BAIAP2L1: variants seen among roughly 807,000 people sequenced by gnomAD.
The protein encoded by BAIAP2L1 is BAR/IMD domain-containing adapter protein 2-like 1.
BAIAP2L1 carries 35 observed loss-of-function variants against 66.3 expected under a neutral mutation model. The ratio of observed to expected loss-of-function variants is 0.53; its 90% CI spans 0.40 to 0.70. The LOEUF (loss-of-function observed/expected upper bound fraction) is 0.70, where lower values mean the gene tolerates loss of function less well. Ranked by LOEUF, BAIAP2L1 falls within the 30% of genes least tolerant of loss-of-function variation. The pLI is 0.00. For missense variants in BAIAP2L1, 622 were observed against 656.9 expected (o/e 0.95, Z 0.58); for synonymous variants, 269 against 248.7 (o/e 1.08, Z -0.77).
At chr7:98,335,222 C>A (rs1228074072) in intron 3 of BAIAP2L1, among the ~76,000 whole-genome samples, 2 of 149,620 alleles carry the variant, frequency 1.3e-5, no homozygotes, top group African/African-American at 4.9e-5. Context: ...AATCCCAGGT[C>A]AATGGAAATA....
chr7:98,334,602 T>C (rs1438897544), intron 3 of BAIAP2L1, among the ~76,000 whole-genome samples: 2 of 152,024 alleles, frequency 1.3e-5, no homozygotes, highest in South Asian at 4.1e-4. Flanking sequence ...TGGAGTGCAG[T>C]GGCACGACCT....
At chr7:98,362,530 C>A in intron 1 of BAIAP2L1, 98 bp from the exon 2 acceptor site, 1 of 904,844 alleles carries the variant, frequency 1.1e-6, no homozygotes, top group Non-Finnish European at 1.7e-6. Flanking sequence ...CTATGGATGC[C>A]TAACAGCACA....
At chr7:98,317,525 T>C (rs902663244) in intron 5 of BAIAP2L1, among the ~76,000 whole-genome samples, 169 bp from the exon 6 acceptor site, 2 of 148,570 alleles carry the variant, frequency 1.3e-5, no homozygotes, top group Non-Finnish European at 3.0e-5. Context: ...GTTCACACCA[T>C]CCTCCTGCTG....
intron 3 of BAIAP2L1, among the ~76,000 whole-genome samples, chr7:98,353,430 TTA>T (rs1364007687): frequency 7.3e-6 from 1 of 137,018 alleles, no homozygotes; most frequent in African/African-American, 2.7e-5. Flanking sequence ...TATATTTATA[TTA>T]TATATAAATA....
chr7:98,347,471 T>A (rs904664019), intron 3 of BAIAP2L1, among the ~76,000 whole-genome samples: 6 of 152,098 alleles, frequency 3.9e-5, no homozygotes, highest in Non-Finnish European at 8.8e-5. Context: ...GTGAGTTAAA[T>A]GTACCACTTA....
At chr7:98,394,758 G>A (rs1049185415) in intron 1 of BAIAP2L1, among the ~76,000 whole-genome samples, 3 of 152,194 alleles carry the variant, frequency 2.0e-5, no homozygotes, top group Admixed American at 2.0e-4. Flanking sequence ...AGGGCCTATG[G>A]CCATCAGACG....
chr7:98,357,796 C>T (rs1802172572), intron 2 of BAIAP2L1, among the ~76,000 whole-genome samples: 3 of 152,196 alleles, frequency 2.0e-5, no homozygotes, highest in Admixed American at 1.3e-4. Context: ...GTCATCAGCC[C>T]GTTGCGCTAA....
At chr7:98,394,236 G>A (rs532923466) in intron 1 of BAIAP2L1, among the ~76,000 whole-genome samples, 3 of 59,024 alleles carry the variant, frequency 5.1e-5, no homozygotes, top group Admixed American at 3.8e-4. Flanking sequence ...GGGAGACTCC[G>A]TCTCAAAAAC....
intron 1 of BAIAP2L1, among the ~76,000 whole-genome samples, chr7:98,370,706 T>C (rs2115761188): frequency 6.6e-6 from 1 of 152,002 alleles, no homozygotes; most frequent in South Asian, 2.1e-4. Flanking sequence ...TTTCACCATG[T>C]TAGCCAGGAT....
chr7:98,313,196 T>A, intron 7 of BAIAP2L1, among the ~76,000 whole-genome samples: 1 of 149,406 alleles, frequency 6.7e-6, no homozygotes, highest in East Asian at 2.0e-4. Context: ...GACCAGCTGC[T>A]TGGGCCTGCT....
Position 98,362,893 on chromosome 7 carries a change from G to A in BAIAP2L1, c.52-461C>T, listed in dbSNP as rs1474304176. Among the ~76,000 whole-genome samples the A allele has an allele frequency of 4.6e-5, 7 of 152,082 alleles. No individual in the cohort carries two copies. The East Asian group carries it at 1.4e-3, about 29-fold the overall frequency. ...ATCCACTGAATAGAAATTTCCAGGA[G>A]ATTTTGTTTTTACTCTGCCTAATTA... On this transcript the variant is annotated intron_variant, in intron 1 of 13. Coordinates refer to ENST00000005260, the MANE Select transcript of BAIAP2L1 (RefSeq NM_018842.5).
chr7:98,347,472 GTACCACT>G (rs1801896831), intron 3 of BAIAP2L1, among the ~76,000 whole-genome samples: 1 of 152,092 alleles, frequency 6.6e-6, no homozygotes, highest in Non-Finnish European at 1.5e-5. Flanking sequence ...TGAGTTAAAT[GTACCACT>G]TAAGAAATTA....
chr7:98,361,459 T>C (rs1408092746), intron 2 of BAIAP2L1, among the ~76,000 whole-genome samples: 1 of 152,150 alleles, frequency 6.6e-6, no homozygotes, highest in East Asian at 1.9e-4. Flanking sequence ...TCTACTTATG[T>C]TACTTGGTGA....
In BAIAP2L1 at chr7:98,355,118, C is replaced by T. The variant is rs764110075; in HGVS notation, c.138G>A (p.Leu46=). Residue 46 remains leucine, a synonymous_variant, in exon 3 of 14, where the codon CTG becomes CTA. Transcript: ENST00000005260. ...NYEKAVNAMI[L]AGKAYYDGVA... Reference sequence around the variant, plus strand: ...CTCCATCGTAGTAGGCTTTTCCTGCCAGGATCATAGCTAGACACAAAAGGT... The same window carrying T: ...CTCCATCGTAGTAGGCTTTTCCTGCTAGGATCATAGCTAGACACAAAAGGT... The T allele has an allele frequency of 6.2e-7, 1 of 1,612,242 alleles. No homozygotes were observed. The highest frequency in any genetic ancestry group is 1.1e-5 in the South Asian group (1 of 90,994).
At chr7:98,398,889 G>A (rs981771856) in intron 1 of BAIAP2L1, among the ~76,000 whole-genome samples, 1 of 152,214 alleles carries the variant, frequency 6.6e-6, no homozygotes, top group African/African-American at 2.4e-5. Flanking sequence ...GTTCTTGGAA[G>A]AAGGGCGGAA....
In BAIAP2L1 at chr7:98,304,438, CCT is replaced by C. The variant is rs541302263; in HGVS notation, c.1242-64_1242-63del. On this transcript the variant is annotated intron_variant, in intron 11 of 13. Transcript: ENST00000005260. ...TGTCTCACCACCAAACCCCAAACATCCTCTGTGTCCCTGACCAAGGACAACAG... is the reference window on the plus strand; with the variant it reads ...TGTCTCACCACCAAACCCCAAACATCCTGTGTCCCTGACCAAGGACAACAG... 169 of 1,542,714 alleles carry C rather than the reference CCT, an allele frequency of 1.1e-4. No homozygotes were observed. The African/African-American group carries it at 1.7e-3, about 16-fold the overall frequency.
intron 1 of BAIAP2L1, among the ~76,000 whole-genome samples, chr7:98,382,122 C>A (rs1401990286): frequency 6.6e-6 from 1 of 151,922 alleles, no homozygotes; most frequent in Non-Finnish European, 1.5e-5. Context: ...GGGAGTTTCA[C>A]CGTGTTAGTC....
At chr7:98,304,422 ACCAAACC>A (rs757545064) in intron 11 of BAIAP2L1, 46 bp from the exon 12 acceptor site, 22 of 1,594,264 alleles carry the variant, frequency 1.4e-5, no homozygotes, top group Non-Finnish European at 1.7e-5. Context: ...ATGTCTCACC[ACCAAACC>A]CCAAACATCC....
chr7:98,303,533 T>A (rs989779534), intron 12 of BAIAP2L1, among the ~76,000 whole-genome samples: 1 of 152,158 alleles, frequency 6.6e-6, no homozygotes, highest in African/African-American at 2.4e-5. Context: ...GTTTATTTTT[T>A]ATTGTCTGCT....
Sources: gnomAD v4.1 joint callset for allele counts (sites outside exome capture counted in the v4.1 genomes callset) on GRCh38, gnomAD v4.1.1 for gene constraint, MANE v1.5 for transcripts, NCBI Gene and HGNC (gene_info 2026-07-23, HGNC 2026-07-21) for gene names.